Variants in RANBP2 observed in about 807,000 individuals in gnomAD.
RANBP2 encodes the protein E3 SUMO-protein ligase RanBP2.
In RANBP2, 57 loss-of-function variants were observed where a neutral mutation model predicts 303.6. The ratio of observed to expected loss-of-function variants is 0.19; its 90% CI spans 0.15 to 0.23. The LOEUF (loss-of-function observed/expected upper bound fraction) is 0.23. Ranked by LOEUF, RANBP2 falls within the 10% of genes least tolerant of loss-of-function variation. The pLI is 1.00. For missense variants in RANBP2, 3,138 were observed against 3,780.8 expected (o/e 0.83, Z 4.46); for synonymous variants, 1,167 against 1,301.5 (o/e 0.90, Z 2.23).
chr2:109,297,006 C>T, the RANBP2 span, among the ~76,000 whole-genome samples: 1 of 152,128 alleles, frequency 6.6e-6, no homozygotes, highest in Non-Finnish European at 1.5e-5. Context: ...GTAGCATTCT[C>T]TTACTGAGCA....
the RANBP2 span, among the ~76,000 whole-genome samples, chr2:108,944,931 G>A: frequency 6.6e-6 from 1 of 152,204 alleles, no homozygotes; most frequent in Non-Finnish European, 1.5e-5. Flanking sequence ...ATGAGCAGAA[G>A]GCCTAGGGTG....
chr2:109,222,887 G>A, the RANBP2 span, among the ~76,000 whole-genome samples: 21,464 of 152,286 alleles, frequency 0.14, 2,841 homozygotes, highest in East Asian at 0.33. Context: ...CAAGGTGTCC[G>A]CGTGTATCCC....
At chr2:109,159,526 G>T in the RANBP2 span, among the ~76,000 whole-genome samples, 1 of 152,216 alleles carries the variant, frequency 6.6e-6, no homozygotes, top group Non-Finnish European at 1.5e-5. Flanking sequence ...GTTGCTCACA[G>T]CTTATTGTCC....
chr2:108,783,822 T>G lies in RANBP2; in HGVS notation c.9596T>G (p.Val3199Gly). 6.2e-7 allele frequency: 1 copy of G among 1,612,816 alleles called. No homozygotes were observed. The highest frequency in any genetic ancestry group is 8.5e-7 in the Non-Finnish European group (1 of 1,178,846). ...TTTGTTAAGGATGGCATGGATACTG[T>G]GAAAAAGATTGAATCATTTGGTTCT... ...FGFVKDGMDT[V>G]KKIESFGSPK... Residue 3199 changes from valine (V) to glycine (G), a missense_variant, in exon 29 of 29, where the codon GTG becomes GGG. Coordinates refer to ENST00000283195, the MANE Select transcript of RANBP2 (RefSeq NM_006267.5).
At chr2:109,014,351 C>T in the RANBP2 span, among the ~76,000 whole-genome samples, 1 of 152,182 alleles carries the variant, frequency 6.6e-6, no homozygotes, top group Non-Finnish European at 1.5e-5. Context: ...GTGTCCTGGG[C>T]CTGTTCTCTT....
At chr2:108,985,195 T>C in the RANBP2 span, among the ~76,000 whole-genome samples, 4 of 152,210 alleles carry the variant, frequency 2.6e-5, no homozygotes, top group African/African-American at 9.6e-5. Context: ...ATCTAGCTAT[T>C]GAATGGTATC....
At chr2:109,109,182 G>A in the RANBP2 span, among the ~76,000 whole-genome samples, 8 of 152,352 alleles carry the variant, frequency 5.3e-5, no homozygotes, top group East Asian at 1.3e-3. Flanking sequence ...GAATGAATCA[G>A]TGAGTGAATG....
the RANBP2 span, among the ~76,000 whole-genome samples, chr2:108,906,589 G>GCTCA: frequency 2.9e-4 from 44 of 152,202 alleles, no homozygotes; most frequent in African/African-American, 9.9e-4. Context: ...TGCGTCTTAG[G>GCTCA]CTCAGCTGGG....
the RANBP2 span, among the ~76,000 whole-genome samples, chr2:109,078,247 G>GTA: frequency 0.5 from 28,090 of 56,280 alleles, 8,432 homozygotes; most frequent in Middle Eastern, 0.64. Flanking sequence ...TATATAGCGT[G>GTA]TATATATATA....
the RANBP2 span, among the ~76,000 whole-genome samples, chr2:109,097,911 C>T: frequency 2.6e-5 from 4 of 152,088 alleles, no homozygotes; most frequent in East Asian, 1.9e-4. Context: ...TGTCTCACCA[C>T]GGATGGAGGA....
chr2:109,614,352 T>G, the RANBP2 span: 2 of 730,670 alleles, frequency 2.7e-6, no homozygotes, highest in Non-Finnish European at 3.7e-6. Flanking sequence ...GGTGGCCGAG[T>G]CCTCTGGCCT....
chr2:108,810,273 G>A, the RANBP2 span, among the ~76,000 whole-genome samples: 1 of 151,884 alleles, frequency 6.6e-6, no homozygotes, highest in East Asian at 1.9e-4. Context: ...GATGTTAATT[G>A]TGTGTTTGTT....
chr2:109,412,842 C>T, the RANBP2 span, among the ~76,000 whole-genome samples: 81,937 of 152,176 alleles, frequency 0.54, 22,353 homozygotes, highest in South Asian at 0.64. Context: ...TTCCTGACTT[C>T]TTGCCATGAA....
the RANBP2 span, among the ~76,000 whole-genome samples, chr2:109,370,151 T>G: frequency 6.6e-6 from 1 of 152,042 alleles, no homozygotes. Context: ...CAAAGGCCCC[T>G]TGGAGTGGCA....
chr2:109,080,386 A>G, the RANBP2 span, among the ~76,000 whole-genome samples: 1 of 152,098 alleles, frequency 6.6e-6, no homozygotes, highest in Non-Finnish European at 1.5e-5. Context: ...AAGGTGCTGG[A>G]GGTGATGTGG....
chr2:108,739,139 A>C (rs1296824608), intron 6 of RANBP2, among the ~76,000 whole-genome samples: 1 of 152,002 alleles, frequency 6.6e-6, no homozygotes, highest in African/African-American at 2.4e-5. Flanking sequence ...GCGGTGGCTC[A>C]GCCCTGTAAT....
the RANBP2 span, among the ~76,000 whole-genome samples, chr2:109,152,573 T>G: frequency 6.6e-6 from 1 of 152,246 alleles, no homozygotes; most frequent in East Asian, 1.9e-4. Flanking sequence ...TTTTGCCTTT[T>G]TATTATTTAC....
the RANBP2 span, among the ~76,000 whole-genome samples, chr2:109,206,212 C>T: frequency 9.2e-5 from 14 of 152,136 alleles, no homozygotes; most frequent in East Asian, 1.9e-4. Context: ...GAGGCTGGGC[C>T]GGGCACGGTG....
At chr2:109,003,607 CATA>C in the RANBP2 span, among the ~76,000 whole-genome samples, 4 of 151,976 alleles carry the variant, frequency 2.6e-5, no homozygotes, top group Non-Finnish European at 5.9e-5. Flanking sequence ...GATGGGGTTT[CATA>C]ATGTTGCTCA....
Sources: gnomAD v4.1 joint callset for allele counts (sites outside exome capture counted in the v4.1 genomes callset) on GRCh38, gnomAD v4.1.1 for gene constraint, MANE v1.5 for transcripts, NCBI Gene and HGNC (gene_info 2026-07-23, HGNC 2026-07-21) for gene names.